Variants in TBC1D12 observed in about 807,000 individuals in gnomAD.
TBC1D12 encodes the protein TBC1 domain family member 12, also known as TBC1 domain family, member 12.
A neutral mutation model predicts 86.7 loss-of-function variants in TBC1D12; 56 were observed. The observed-to-expected ratio is 0.65, with a 90% confidence interval of 0.52 to 0.81. TBC1D12 has a LOEUF of 0.81. Among genes scored for constraint, TBC1D12 ranks in the 30% least tolerant of loss-of-function variants. The pLI is 0.00. For synonymous variants in TBC1D12, 421 were observed against 411.7 expected (o/e 1.02, Z -0.27); for missense variants, 1,023 against 1,038.8 (o/e 0.98, Z 0.21).
At chr10:94,472,839 A>T (rs1400147687) in intron 2 of TBC1D12, among the ~76,000 whole-genome samples, 1 of 152,160 alleles carries the variant, frequency 6.6e-6, no homozygotes, top group Non-Finnish European at 1.5e-5. Flanking sequence ...CACAATCCTA[A>T]ATAATTTGAT....
chr10:94,460,728 G>A (rs752145256), intron 2 of TBC1D12, among the ~76,000 whole-genome samples: 1 of 151,352 alleles, frequency 6.6e-6, no homozygotes, highest in Non-Finnish European at 1.5e-5. Flanking sequence ...CCTCTCTCTT[G>A]TCCGTTATAG....
chr10:94,482,639 G>A (rs897824822), intron 3 of TBC1D12, among the ~76,000 whole-genome samples: 1 of 151,920 alleles, frequency 6.6e-6, no homozygotes, highest in Admixed American at 6.6e-5. Flanking sequence ...TAGTAGAGAT[G>A]GGATTTTTCC....
chr10:94,414,521 A>G (rs1392011962), intron 1 of TBC1D12, among the ~76,000 whole-genome samples: 2 of 152,032 alleles, frequency 1.3e-5, no homozygotes, highest in Non-Finnish European at 2.9e-5. Flanking sequence ...TTGTGTCTTT[A>G]AAGTATCTTG....
chr10:94,467,475 G>T (rs1045283173), intron 2 of TBC1D12, among the ~76,000 whole-genome samples: 1 of 151,990 alleles, frequency 6.6e-6, no homozygotes, highest in African/African-American at 2.4e-5. Context: ...CAGGTGAGCC[G>T]CCCGCCTTGG....
At chr10:94,518,471 C>G (rs950944199) in intron 9 of TBC1D12, among the ~76,000 whole-genome samples, 4 of 152,098 alleles carry the variant, frequency 2.6e-5, no homozygotes, top group Admixed American at 1.3e-4. Flanking sequence ...AGTTCCTCAG[C>G]CTTTTGTATG....
Position 94,403,269 on chromosome 10 carries a change from C to CG in TBC1D12, c.661dup (p.Asp221GlyfsTer10), listed in dbSNP as rs2054796653. On this transcript the variant is annotated frameshift_variant, in exon 1 of 13. Transcript: ENST00000225235. LOFTEE classifies it high-confidence loss of function. ...GAGCCCGAGGGCGCGGGCAGCGACT[C>CG]GGGGGACAGCCCCGCCAGCAGCTGC... 6.7e-7 allele frequency: 1 copy of CG among 1,502,756 alleles called. No homozygotes were observed. The highest frequency in any genetic ancestry group is 8.9e-7 in the Non-Finnish European group (1 of 1,127,744). The allele number at this position is 1,502,756 out of a possible 1,614,324, so 93.1% of individuals were successfully genotyped here.
chr10:94,411,942 A>C (rs1386280226), intron 1 of TBC1D12, among the ~76,000 whole-genome samples: 1 of 152,202 alleles, frequency 6.6e-6, no homozygotes, highest in African/African-American at 2.4e-5. Flanking sequence ...TGGATGGCAG[A>C]GTGAGACTGT....
intron 3 of TBC1D12, among the ~76,000 whole-genome samples, chr10:94,476,640 A>G (rs1406708878): frequency 2.6e-5 from 4 of 152,234 alleles, no homozygotes; most frequent in Admixed American, 2.6e-4. Context: ...CTTAAGCTTG[A>G]TAGAATTTAT....
chr10:94,411,153 A>G (rs1311183824), intron 1 of TBC1D12, among the ~76,000 whole-genome samples: 1 of 152,202 alleles, frequency 6.6e-6, no homozygotes, highest in Admixed American at 6.5e-5. Context: ...CATGATAGAA[A>G]TATCAGTGAT....
chr10:94,442,054 C>T, intron 2 of TBC1D12, 35 bp downstream of exon 2: 1 of 1,540,054 alleles, frequency 6.5e-7, no homozygotes, highest in Non-Finnish European at 8.7e-7. Context: ...TTTACCCTAG[C>T]TTTTCAAGCA....
chr10:94,473,596 C>T (rs1393898426), intron 2 of TBC1D12, among the ~76,000 whole-genome samples: 2 of 152,110 alleles, frequency 1.3e-5, no homozygotes, highest in African/African-American at 2.4e-5. Context: ...TCAGTGTCTT[C>T]TATAGCCACC....
intron 2 of TBC1D12, among the ~76,000 whole-genome samples, chr10:94,462,013 T>C (rs974637217): frequency 5.3e-5 from 8 of 152,190 alleles, no homozygotes; most frequent in African/African-American, 1.9e-4. Flanking sequence ...TTCTAAGCTG[T>C]GTACAGGCTG....
chr10:94,444,733 CTTT>C (rs528326665), intron 2 of TBC1D12, among the ~76,000 whole-genome samples: 154 of 138,776 alleles, frequency 1.1e-3, no homozygotes, highest in African/African-American at 3.8e-3. Flanking sequence ...CTCACATTCT[CTTT>C]TTTTTTTTTT....
In TBC1D12 at chr10:94,403,303, C is replaced by T. The variant is rs759228860; in HGVS notation, c.690C>T (p.Ser230=). The part of the protein sequence containing the change: ...GDSPASSCSS[S]EDSEQRGVGA... ...GCCCCGCCAGCAGCTGCAGCAGTAGCGAGGACTCAGAGCAGCGGGGAGTCG... is the reference window on the plus strand; with the variant it reads ...GCCCCGCCAGCAGCTGCAGCAGTAGTGAGGACTCAGAGCAGCGGGGAGTCG... The change falls in exon 1 of 13, where the codon AGC becomes AGT. Residue 230 remains serine, a synonymous_variant. Transcript: ENST00000225235. The T allele has an allele frequency of 1.6e-5, 24 of 1,510,840 alleles. No homozygotes were observed. In the East Asian group the frequency reaches 6.5e-4, roughly 41 times the overall value. 93.6% of individuals were successfully genotyped at this position (1,510,840 alleles called of 1,614,324 possible).
intron 1 of TBC1D12, 53 bp downstream of exon 1, chr10:94,403,637 C>T: frequency 7.1e-7 from 1 of 1,403,660 alleles, no homozygotes; most frequent in Non-Finnish European, 9.2e-7. Flanking sequence ...GGGGCCGGAG[C>T]CGGGGTCTTG....
intron 1 of TBC1D12, among the ~76,000 whole-genome samples, chr10:94,423,974 A>C (rs922184790): frequency 6.6e-6 from 1 of 152,208 alleles, no homozygotes; most frequent in Admixed American, 6.5e-5. Context: ...GTCTGTACTG[A>C]ACATGAACAG....
intron 11 of TBC1D12, among the ~76,000 whole-genome samples, chr10:94,529,763 GA>G (rs201499054): frequency 2.0e-5 from 3 of 151,552 alleles, no homozygotes; most frequent in Non-Finnish European, 4.4e-5. Flanking sequence ...CATTAAGAAG[GA>G]AAAAAAAGTC....
At chr10:94,489,822 C>T (rs997599572) in intron 3 of TBC1D12, among the ~76,000 whole-genome samples, 6 of 152,166 alleles carry the variant, frequency 3.9e-5, no homozygotes, top group Admixed American at 1.3e-4. Context: ...CACATGTTTG[C>T]CTTGGCACAC....
intron 5 of TBC1D12, 55 bp downstream of exon 5, chr10:94,497,227 C>CA: frequency 1.3e-6 from 1 of 757,300 alleles, no homozygotes; most frequent in Non-Finnish European, 1.9e-6. Flanking sequence ...TCTCATGTTT[C>CA]TTTTTTTTTT....
Sources: allele counts gnomAD v4.1 joint callset (sites outside exome capture counted in the v4.1 genomes callset), GRCh38; gene constraint gnomAD v4.1.1; transcripts MANE v1.5; gene names NCBI Gene and HGNC (gene_info 2026-07-23, HGNC 2026-07-21).